Variants in FANK1 observed in about 807,000 individuals in gnomAD.
FANK1 encodes fibronectin type 3 and ankyrin repeat domains protein 1.
In FANK1, 44 loss-of-function variants were observed where a neutral mutation model predicts 45.3. The ratio of observed to expected loss-of-function variants is 0.97; its 90% CI spans 0.76 to 1.25. The LOEUF (loss-of-function observed/expected upper bound fraction) is 1.25, where lower values mean the gene tolerates loss of function less well. FANK1 is among the 50% of genes most tolerant of loss of function. The probability of loss-of-function intolerance (pLI) is 0.00; values close to 1 mark genes in which losing one functional copy is unlikely to be tolerated. For missense variants in FANK1, 391 were observed against 424.4 expected (o/e 0.92, Z 0.69); for synonymous variants, 149 against 152.5 (o/e 0.98, Z 0.17).
chr10:125,981,729 C>T (rs1590156094), intron 2 of FANK1, among the ~76,000 whole-genome samples: 1 of 152,184 alleles, frequency 6.6e-6, no homozygotes, highest in East Asian at 1.9e-4. Context: ...TCCCATTTCT[C>T]CCCTATGGTA....
At chr10:125,969,478 G>A (rs898597411) in intron 1 of FANK1, among the ~76,000 whole-genome samples, 34 of 152,118 alleles carry the variant, frequency 2.2e-4, no homozygotes, top group African/African-American at 8.0e-4. Flanking sequence ...TGGGTGTGTT[G>A]TATCTGTTTT....
intron 3 of FANK1, among the ~76,000 whole-genome samples, chr10:125,991,248 G>GA (rs1951907226): frequency 1.9e-5 from 1 of 51,608 alleles, no homozygotes; most frequent in Non-Finnish European, 4.0e-5. Context: ...GTGGTGACCA[G>GA]GGGTGTGTGT....
rs1953063012 is a variant in FANK1, at chr10:126,004,875, A to G, written c.540-9A>G. On this transcript the variant is annotated splice_polypyrimidine_tract_variant and intron_variant, in intron 6 of 10. Transcript: ENST00000368693. ...TATTGTCAAATGCCGCTTCTTCCAT[A>G]TGTTGCAGTCTAATGCTGGCGTGCT... 7 of 1,613,684 alleles carry G rather than the reference A, an allele frequency of 4.3e-6. No individual in the cohort carries two copies. The highest frequency in any genetic ancestry group is 5.9e-6 in the Non-Finnish European group (7 of 1,179,682).
intron 1 of FANK1, among the ~76,000 whole-genome samples, chr10:125,912,540 A>C (rs1946111562): frequency 6.6e-6 from 1 of 151,788 alleles, no homozygotes; most frequent in Non-Finnish European, 1.5e-5. Context: ...AATGTCAGCA[A>C]CTTCAATTCA....
At chr10:125,991,646 T>C (rs4962500) in intron 3 of FANK1, among the ~76,000 whole-genome samples, 39,040 of 151,754 alleles carry the variant, frequency 0.26, 5,664 homozygotes, top group Middle Eastern at 0.39. Flanking sequence ...GCCTTTTTTT[T>C]CCCCCCAGGT....
At position 125,983,515 on chromosome 10, in the gene FANK1, C is replaced by CT. The variant is rs1256044342; in HGVS notation, c.191+3178dup. ...CAGCAGCATAGGAAAAATTGAGGGC[C>CT]TGGGGTAGAGGTGGGGAAGTCTTCA... is the stretch of plus-strand genomic sequence containing the variant. On this transcript the variant is annotated intron_variant, in intron 2 of 10. Coordinates refer to ENST00000368693, the MANE Select transcript of FANK1 (RefSeq NM_145235.5). The surrounding 1 kb of genome is among the most constrained non-coding windows in gnomAD (Gnocchi z 4.3). Among the ~76,000 whole-genome samples the CT allele has an allele frequency of 2.0e-5, 3 of 151,990 alleles. No homozygotes were observed. Among genetic ancestry groups the CT allele is most frequent in the Non-Finnish European group, 4.4e-5 (3 of 68,004 alleles).
intron 1 of FANK1, among the ~76,000 whole-genome samples, chr10:125,944,214 C>G (rs1188283615): frequency 1.3e-5 from 2 of 152,138 alleles, no homozygotes; most frequent in African/African-American, 4.8e-5. Flanking sequence ...GAATTTGTAG[C>G]AATATTTGAT....
intron 3 of FANK1, among the ~76,000 whole-genome samples, chr10:125,989,740 C>G (rs1951800144): frequency 1.3e-5 from 2 of 152,202 alleles, no homozygotes; most frequent in Admixed American, 1.3e-4. Flanking sequence ...TTTGCTGTAA[C>G]ATGGAAGGTA....
chr10:125,908,987 G>T (rs1373586203), intron 1 of FANK1, among the ~76,000 whole-genome samples: 1 of 152,268 alleles, frequency 6.6e-6, no homozygotes, highest in African/African-American at 2.4e-5. Context: ...TGTTGATTAG[G>T]CCTGCAGTCA....
intron 1 of FANK1, among the ~76,000 whole-genome samples, chr10:125,914,588 C>T (rs545222222): frequency 6.6e-6 from 1 of 152,212 alleles, no homozygotes; most frequent in Admixed American, 6.5e-5. Context: ...ACTAAACATT[C>T]CCTAACAGAA....
chr10:125,907,632 GGAAGA>G (rs1945644788), intron 1 of FANK1: 2 of 427,998 alleles, frequency 4.7e-6, no homozygotes, highest in African/African-American at 4.4e-5. Flanking sequence ...GAAAGGAGAG[GGAAGA>G]GGAGAGGAGG....
chr10:125,996,469 T>TGA, intron 4 of FANK1, 81 bp from the exon 5 acceptor site: 1 of 1,330,628 alleles, frequency 7.5e-7, no homozygotes, highest in Non-Finnish European at 1.1e-6. Context: ...TTTACCCACC[T>TGA]AAGCCCTGTG....
chr10:125,994,324 T>C lies in FANK1; in HGVS notation c.317-1093T>C, dbSNP rs538502405. On this transcript the variant is annotated intron_variant, in intron 3 of 10. Transcript: ENST00000368693. ...AGCATGGGAACTAATGGTTAGCTCT[T>C]TTCATGCTAACCCCCTAGAGCCTAG... 180 of 910,718 alleles carry C rather than the reference T, an allele frequency of 2.0e-4. 3 individuals are homozygous for C. The South Asian group carries it at 8.1e-3, about 41-fold the overall frequency. 56.4% of individuals were successfully genotyped at this position (910,718 alleles called of 1,614,324 possible).
rs552480276 is a variant in FANK1, at chr10:125,971,795, T to C, written c.14-8366T>C. 4.6e-5 allele frequency among the ~76,000 whole-genome samples: 7 copies of C among 152,220 alleles called. No homozygotes were observed. The East Asian group carries it at 1.4e-3, about 30-fold the overall frequency. On this transcript the variant is annotated intron_variant, in intron 1 of 10. Coordinates refer to ENST00000368693, the MANE Select transcript of FANK1 (RefSeq NM_145235.5). ...CGCTACCACGGCCGGCTAATTTTTT[T>C]GTATTTTTAGTAGAGACAGGGTTTC... is the stretch of plus-strand genomic sequence containing the variant.
intron 3 of FANK1, chr10:125,989,389 C>A (rs1489865426): frequency 6.5e-7 from 1 of 1,539,544 alleles, no homozygotes; most frequent in Non-Finnish European, 8.8e-7. Context: ...CAAAGGAAAC[C>A]TTCCTTTTGT....
At chr10:125,977,537 C>T (rs1292935003) in intron 1 of FANK1, among the ~76,000 whole-genome samples, 1 of 152,148 alleles carries the variant, frequency 6.6e-6, no homozygotes, top group Non-Finnish European at 1.5e-5. Flanking sequence ...GCTGGCTCTC[C>T]TTGGCACTCC....
intron 6 of FANK1, among the ~76,000 whole-genome samples, chr10:126,000,676 T>C (rs1009678611): frequency 2.0e-5 from 3 of 152,126 alleles, no homozygotes; most frequent in African/African-American, 7.2e-5. Flanking sequence ...AACAAATGCA[T>C]TGAAAGGAAT....
intron 1 of FANK1, among the ~76,000 whole-genome samples, chr10:125,924,254 G>GT (rs796167530): frequency 0.016 from 2,327 of 143,736 alleles, 21 homozygotes; most frequent in East Asian, 0.076. Flanking sequence ...CTGATGCTTA[G>GT]TTTTTTTTTT....
intron 1 of FANK1, among the ~76,000 whole-genome samples, chr10:125,961,995 A>G (rs555045125): frequency 1.3e-5 from 2 of 152,336 alleles, no homozygotes; most frequent in South Asian, 4.1e-4. Flanking sequence ...ATGAGATTAC[A>G]TCAAACAAAA....
Sources: allele counts gnomAD v4.1 joint callset (sites outside exome capture counted in the v4.1 genomes callset), GRCh38; gene constraint gnomAD v4.1.1; non-coding constraint Gnocchi (gnomAD v3.1); transcripts MANE v1.5; gene names NCBI Gene and HGNC (gene_info 2026-07-23, HGNC 2026-07-21).